COMMD1: variants seen among roughly 807,000 people sequenced by gnomAD.
COMMD1 encodes the protein COMM domain-containing protein 1.
A neutral mutation model predicts 17.2 loss-of-function variants in COMMD1; 10 were observed. The ratio of observed to expected loss-of-function variants is 0.58; its 90% CI spans 0.36 to 0.99. The LOEUF (loss-of-function observed/expected upper bound fraction) is 0.99, where lower values mean the gene tolerates loss of function less well. Ranked by LOEUF, COMMD1 falls within the 50% of genes least tolerant of loss-of-function variation. The probability of loss-of-function intolerance (pLI) is 0.01; values close to 1 mark genes in which losing one functional copy is unlikely to be tolerated. For missense variants in COMMD1, 270 were observed against 231.8 expected (o/e 1.17, Z -1.07); for synonymous variants, 97 against 91.6 (o/e 1.06, Z -0.34).
At chr2:62,041,849 A>G (rs1018597705) in intron 2 of COMMD1, among the ~76,000 whole-genome samples, 6 of 152,112 alleles carry the variant, frequency 3.9e-5, no homozygotes, top group African/African-American at 1.4e-4. Context: ...CAAGCTGCAG[A>G]CTTTTGCTGT....
intron 2 of COMMD1, among the ~76,000 whole-genome samples, chr2:62,133,859 A>G (rs561231607): frequency 1.1e-4 from 17 of 152,248 alleles, no homozygotes; most frequent in Non-Finnish European, 2.5e-4. Flanking sequence ...GGTCTCACCA[A>G]GGTTGCTAGG....
At chr2:61,932,384 T>G (rs1236184705) in intron 1 of COMMD1, among the ~76,000 whole-genome samples, 1 of 152,244 alleles carries the variant, frequency 6.6e-6, no homozygotes, top group Non-Finnish European at 1.5e-5. Context: ...GGCAGCTATA[T>G]TCTGTGCTTG....
intron 2 of COMMD1, among the ~76,000 whole-genome samples, chr2:62,123,429 C>T (rs1299148566): frequency 2.7e-5 from 4 of 148,416 alleles, no homozygotes; most frequent in Admixed American, 1.3e-4. Flanking sequence ...TGCTGGAACC[C>T]GGGAGGCGGA....
chr2:61,935,371 G>A (rs1271645349), intron 1 of COMMD1, among the ~76,000 whole-genome samples: 1 of 152,202 alleles, frequency 6.6e-6, no homozygotes, highest in African/African-American at 2.4e-5. Flanking sequence ...GCTAACGCCT[G>A]TAATCCCAGC....
At chr2:61,917,890 G>A (rs1248732701) in intron 1 of COMMD1, among the ~76,000 whole-genome samples, 1 of 152,178 alleles carries the variant, frequency 6.6e-6, no homozygotes, top group Non-Finnish European at 1.5e-5. Flanking sequence ...ATAAAATAAT[G>A]GATGTAGAAT....
chr2:61,983,662 A>C (rs1558548159), intron 1 of COMMD1, among the ~76,000 whole-genome samples: 1 of 151,980 alleles, frequency 6.6e-6, no homozygotes, highest in Non-Finnish European at 1.5e-5. Flanking sequence ...CTAATCCTTC[A>C]GTTTCTGCGG....
chr2:62,042,710 A>G (rs1670267755), intron 2 of COMMD1, among the ~76,000 whole-genome samples: 1 of 152,202 alleles, frequency 6.6e-6, no homozygotes, highest in African/African-American at 2.4e-5. Flanking sequence ...GCCGAGGCTG[A>G]GGAGGTGCCG....
chr2:62,029,710 A>G (rs1227661939), intron 2 of COMMD1, among the ~76,000 whole-genome samples: 1 of 152,218 alleles, frequency 6.6e-6, no homozygotes, highest in African/African-American at 2.4e-5. Flanking sequence ...GTTCTGTAGC[A>G]TGTTTCTCTG....
At chr2:61,963,450 C>A (rs893465074) in intron 1 of COMMD1, among the ~76,000 whole-genome samples, 8 of 152,014 alleles carry the variant, frequency 5.3e-5, no homozygotes, top group African/African-American at 1.9e-4. Flanking sequence ...TGGGCCACCC[C>A]GGTTCAAACA....
chr2:62,114,517 AT>A (rs1347103368), intron 2 of COMMD1, among the ~76,000 whole-genome samples: 1 of 152,200 alleles, frequency 6.6e-6, no homozygotes, highest in Non-Finnish European at 1.5e-5. Flanking sequence ...TTATAAGAAA[AT>A]TGCTTGATTT....
At chr2:61,935,037 GTGGCCATAATGGT>G (rs1670568217) in intron 1 of COMMD1, among the ~76,000 whole-genome samples, 1 of 152,180 alleles carries the variant, frequency 6.6e-6, no homozygotes. Context: ...AACTTCCCGA[GTGGCCATAATGGT>G]TGTATTAATA....
At chr2:62,022,699 C>T (rs965788858) in intron 2 of COMMD1, among the ~76,000 whole-genome samples, 1 of 151,282 alleles carries the variant, frequency 6.6e-6, no homozygotes, top group Non-Finnish European at 1.5e-5. Context: ...TACTTTGCAC[C>T]CCCTCTACTT....
chr2:61,912,751 A>G (rs1669942460), intron 1 of COMMD1, among the ~76,000 whole-genome samples: 1 of 151,504 alleles, frequency 6.6e-6, no homozygotes, highest in Admixed American at 6.6e-5. Flanking sequence ...AAAAAAAAAC[A>G]GTTTTATTGT....
chr2:62,133,886 G>A (rs1558613352), intron 2 of COMMD1, among the ~76,000 whole-genome samples: 1 of 152,154 alleles, frequency 6.6e-6, no homozygotes, highest in South Asian at 2.1e-4. Context: ...CCACCTCTTG[G>A]GTTCAAGCAA....
In COMMD1 at chr2:62,049,441, T is replaced by A. The variant is rs78412837; in HGVS notation, c.462+48459T>A. ...TTGTCCCCCAGGGGACATTTGGCAA[T>A]GTCTGGAGACATCTTTGGTTGTTTC... On this transcript the variant is annotated intron_variant, in intron 2 of 2. Coordinates refer to ENST00000311832, the MANE Select transcript of COMMD1 (RefSeq NM_152516.4). 0.01 allele frequency among the ~76,000 whole-genome samples: 1,544 copies of A among 152,050 alleles called. 127 individuals carry two copies. The East Asian group carries it at 0.17, about 16-fold the overall frequency.
At chr2:61,946,794 C>A (rs907014061) in intron 1 of COMMD1, among the ~76,000 whole-genome samples, 2 of 152,026 alleles carry the variant, frequency 1.3e-5, no homozygotes, top group Non-Finnish European at 1.5e-5. Flanking sequence ...TTTACAACTT[C>A]ATATATTCCT....
At chr2:61,897,926 T>C (rs184547617) in intron 1 of COMMD1, among the ~76,000 whole-genome samples, 36 of 152,266 alleles carry the variant, frequency 2.4e-4, no homozygotes, top group African/African-American at 8.4e-4. Context: ...GGACGAGTTA[T>C]TTCATCTGCA....
At chr2:61,958,711 ATGTT>A (rs1671261936) in intron 1 of COMMD1, among the ~76,000 whole-genome samples, 1 of 152,140 alleles carries the variant, frequency 6.6e-6, no homozygotes, top group Non-Finnish European at 1.5e-5. Context: ...TAGATCATAA[ATGTT>A]TGGTTTTATA....
At chr2:61,930,136 C>T (rs1270215327) in intron 1 of COMMD1, among the ~76,000 whole-genome samples, 1 of 152,154 alleles carries the variant, frequency 6.6e-6, no homozygotes, top group African/African-American at 2.4e-5. Context: ...GGGAAGCCAG[C>T]TGACTGCCAG....
Sources: allele counts gnomAD v4.1 joint callset (sites outside exome capture counted in the v4.1 genomes callset), GRCh38; gene constraint gnomAD v4.1.1; transcripts MANE v1.5; gene names NCBI Gene and HGNC (gene_info 2026-07-23, HGNC 2026-07-21).